SH3RF3: variants seen among roughly 807,000 people sequenced by gnomAD.
SH3RF3 encodes the protein SH3 domain containing ring finger 3, also known as E3 ubiquitin-protein ligase SH3RF3.
In SH3RF3, 29 loss-of-function variants were observed where a neutral mutation model predicts 66.3. The ratio of observed to expected loss-of-function variants is 0.44; its 90% confidence interval spans 0.33 to 0.60. SH3RF3 has a LOEUF of 0.60. SH3RF3 is among the 20% of genes least tolerant of loss of function. The pLI is 0.04. For missense variants in SH3RF3, 1,194 were observed against 1,190.9 expected (o/e 1.00, Z -0.04); for synonymous variants, 583 against 532.0 (o/e 1.10, Z -1.32).
rs552962934 is a variant in SH3RF3, at chr2:109,326,309, A to G, written c.574-21365A>G. ...TACAGTTTTTCATGGATCTGAGTAT[A>G]TCATAGACTATCTACTTCACAGTTA... On this transcript the variant is annotated intron_variant, in intron 1 of 9. Transcript: ENST00000309415. Among the ~76,000 whole-genome samples, 6 of 152,238 alleles carry G rather than the reference A, an allele frequency of 3.9e-5. No individual in the cohort carries two copies. The South Asian group carries it at 1.2e-3, about 32-fold the overall frequency.
intron 1 of SH3RF3, among the ~76,000 whole-genome samples, chr2:109,161,476 G>A (rs1478762837): frequency 6.6e-6 from 1 of 152,172 alleles, no homozygotes; most frequent in East Asian, 1.9e-4. Flanking sequence ...CTGGAGCATG[G>A]TTGGGTGACG....
At chr2:109,402,088 G>C (rs1676331357) in intron 4 of SH3RF3, among the ~76,000 whole-genome samples, 1 of 152,240 alleles carries the variant, frequency 6.6e-6, no homozygotes, top group South Asian at 2.1e-4. Flanking sequence ...GGCACCTGGT[G>C]CAGGTGTGAG....
Position 109,398,483 on chromosome 2 carries a change from A to G in SH3RF3, c.946-107A>G, listed in dbSNP as rs2104439444. The stretch of plus-strand genomic sequence containing the variant: ...TTTCCCTGCAGTCTGACGGATTTGA[A>G]TGCATTGCCAGTTTGTGAATGGAAA... On this transcript the variant is annotated intron_variant, in intron 3 of 9. Coordinates refer to ENST00000309415, the MANE Select transcript of SH3RF3 (RefSeq NM_001099289.3). The G allele has an allele frequency of 4.1e-6, 4 of 980,710 alleles. No individual in the cohort carries two copies. The South Asian group carries it at 6.6e-5, about 16-fold the overall frequency. 60.8% of individuals were successfully genotyped at this position (980,710 alleles called of 1,614,324 possible).
chr2:109,397,019 C>T (rs958284518), intron 3 of SH3RF3, among the ~76,000 whole-genome samples: 2 of 152,226 alleles, frequency 1.3e-5, no homozygotes, highest in Non-Finnish European at 2.9e-5. Flanking sequence ...GGCCTACCTG[C>T]AGTTTTCGGA....
At chr2:109,467,831 G>A (rs1445490155) in intron 8 of SH3RF3, among the ~76,000 whole-genome samples, 1 of 152,148 alleles carries the variant, frequency 6.6e-6, no homozygotes, top group Non-Finnish European at 1.5e-5. Context: ...ACACGCAGAG[G>A]AACAGAGCCA....
intron 1 of SH3RF3, among the ~76,000 whole-genome samples, chr2:109,184,570 C>T (rs1238567268): frequency 4.6e-5 from 7 of 152,292 alleles, no homozygotes; most frequent in Non-Finnish European, 7.3e-5. Context: ...CCCCTCTGAT[C>T]CAGGTTGTTG....
At chr2:109,214,020 T>TG (rs968565599) in intron 1 of SH3RF3, among the ~76,000 whole-genome samples, 20 of 152,214 alleles carry the variant, frequency 1.3e-4, no homozygotes, top group Middle Eastern at 3.4e-3. Flanking sequence ...GGAGGAGCTC[T>TG]GAGACCAGCC....
At chr2:109,392,161 G>A (rs2045982318) in intron 3 of SH3RF3, among the ~76,000 whole-genome samples, 1 of 152,160 alleles carries the variant, frequency 6.6e-6, no homozygotes, top group South Asian at 2.1e-4. Context: ...TCTCTAAAAT[G>A]TACCCAACCC....
chr2:109,403,219 G>A (rs557169925), intron 4 of SH3RF3, among the ~76,000 whole-genome samples: 1 of 152,352 alleles, frequency 6.6e-6, no homozygotes, highest in East Asian at 1.9e-4. Context: ...CCTGAGAGCC[G>A]CGCACTGTCC....
chr2:109,264,355 CTG>C (rs1383679618), intron 1 of SH3RF3, among the ~76,000 whole-genome samples: 5 of 151,270 alleles, frequency 3.3e-5, no homozygotes, highest in Non-Finnish European at 7.4e-5. Context: ...CACTCCGAGT[CTG>C]TGGGTGCTCC....
At chr2:109,467,383 A>G (rs2104709062) in intron 8 of SH3RF3, among the ~76,000 whole-genome samples, 1 of 152,376 alleles carries the variant, frequency 6.6e-6, no homozygotes, top group East Asian at 1.9e-4. Flanking sequence ...AGAAAGCAGA[A>G]TAGCCACTGG....
Position 109,488,475 on chromosome 2 carries a change from C to T in SH3RF3, c.2149-2130C>T, listed in dbSNP as rs558967788. ...CCTGGCCTGCGGAGGGGCTGACGGGCCCAGCTGCAGGGTCTCCCATCCCCA... is the reference window on the plus strand; with the variant it reads ...CCTGGCCTGCGGAGGGGCTGACGGGTCCAGCTGCAGGGTCTCCCATCCCCA... On this transcript the variant is annotated intron_variant, in intron 8 of 9. Coordinates refer to ENST00000309415, the MANE Select transcript of SH3RF3 (RefSeq NM_001099289.3). Among the ~76,000 whole-genome samples, 368 of 152,314 alleles carry T rather than the reference C, an allele frequency of 2.4e-3. 3 individuals are homozygous for T. Among genetic ancestry groups the T allele is most frequent in the Admixed American group, 2.7e-3 (41 of 15,300 alleles).
chr2:109,170,277 C>T (rs1283344732), intron 1 of SH3RF3, among the ~76,000 whole-genome samples: 1 of 126,490 alleles, frequency 7.9e-6, no homozygotes, highest in African/African-American at 2.9e-5. Context: ...CTCTTCTCTT[C>T]TCTTCTCTTC....
At chr2:109,354,260 C>T (rs1682898970) in intron 2 of SH3RF3, among the ~76,000 whole-genome samples, 1 of 152,188 alleles carries the variant, frequency 6.6e-6, no homozygotes, top group South Asian at 2.1e-4. Flanking sequence ...CAGGCTGGGT[C>T]ACTGCGGTGG....
intron 1 of SH3RF3, among the ~76,000 whole-genome samples, chr2:109,336,382 A>T (rs1263667250): frequency 6.6e-6 from 1 of 152,246 alleles, no homozygotes; most frequent in African/African-American, 2.4e-5. Context: ...TAGAACAGAA[A>T]ATAACTGGAT....
intron 1 of SH3RF3, among the ~76,000 whole-genome samples, chr2:109,288,441 T>G (rs1472987251): frequency 1.3e-5 from 2 of 152,164 alleles, no homozygotes; most frequent in Non-Finnish European, 2.9e-5. Context: ...TAAAACCCGA[T>G]AAAGCCAGAA....
intron 8 of SH3RF3, among the ~76,000 whole-genome samples, chr2:109,457,373 T>C (rs1462579633): frequency 6.6e-6 from 1 of 152,222 alleles, no homozygotes; most frequent in Non-Finnish European, 1.5e-5. Context: ...TATTCAGAAG[T>C]AGGGTTTCAA....
In SH3RF3 at chr2:109,431,024, A is replaced by G. The variant is rs1489132368; in HGVS notation, c.1404-1477A>G. Among the ~76,000 whole-genome samples, 3 of 152,262 alleles carry G rather than the reference A, an allele frequency of 2.0e-5. No individual in the cohort carries two copies. The East Asian group carries it at 5.8e-4, about 29-fold the overall frequency. On this transcript the variant is annotated intron_variant, in intron 5 of 9. Coordinates refer to ENST00000309415, the MANE Select transcript of SH3RF3 (RefSeq NM_001099289.3). ...GGGGGCAGATTTCATATTAAGGCCA[A>G]GAAACTTTTAATCTCTACAAGGTTC... is the stretch of plus-strand genomic sequence containing the variant.
chr2:109,222,180 C>T (rs1436007803), intron 1 of SH3RF3, among the ~76,000 whole-genome samples: 1 of 151,984 alleles, frequency 6.6e-6, no homozygotes, highest in Non-Finnish European at 1.5e-5. Flanking sequence ...GTGCCAGATG[C>T]CAGTGTCTGG....
Sources: gnomAD v4.1 joint callset for allele counts (sites outside exome capture counted in the v4.1 genomes callset) on GRCh38, gnomAD v4.1.1 for gene constraint, MANE v1.5 for transcripts, NCBI Gene and HGNC (gene_info 2026-07-23, HGNC 2026-07-21) for gene names.